The following CNTN5 variants were observed in gnomAD, a reference collection of about 807,000 sequenced individuals.
CNTN5 encodes contactin-5.
CNTN5 carries 77 observed loss-of-function variants against 129.1 expected under a neutral mutation model. The ratio of observed to expected loss-of-function variants is 0.60; its 90% CI spans 0.50 to 0.72. The LOEUF (loss-of-function observed/expected upper bound fraction) is 0.72. Ranked by LOEUF, CNTN5 falls within the 30% of genes least tolerant of loss-of-function variation. CNTN5 has a pLI of 0.00. For synonymous variants in CNTN5, 509 were observed against 465.6 expected (o/e 1.09, Z -1.20); for missense variants, 1,478 against 1,328.8 (o/e 1.11, Z -1.75).
At chr11:99,258,375 T>G (rs966887381) in intron 1 of CNTN5, among the ~76,000 whole-genome samples, 1 of 152,018 alleles carries the variant, frequency 6.6e-6, no homozygotes, top group African/African-American at 2.4e-5. Context: ...TAGCTCCCAC[T>G]TAAAAGTGAG....
At position 100,060,068 on chromosome 11, in the gene CNTN5, G is replaced by T. The variant is rs182807759; in HGVS notation, c.981-1144G>T. Among the ~76,000 whole-genome samples, 31 of 152,154 alleles carry T rather than the reference G, an allele frequency of 2.0e-4. No homozygotes were observed. The East Asian group carries it at 5.4e-3, about 27-fold the overall frequency. On this transcript the variant is annotated intron_variant, in intron 9 of 24. Transcript: ENST00000524871. ...TACTAAAAACGCAAAAATGAGCCGG[G>T]CATGGTGGCAGCACACCTGTAATCC...
chr11:99,493,540 G>A (rs1054215777), intron 2 of CNTN5, among the ~76,000 whole-genome samples: 1 of 152,166 alleles, frequency 6.6e-6, no homozygotes, highest in African/African-American at 2.4e-5. Context: ...AATTCAGTTA[G>A]CAAATATTAA....
intron 1 of CNTN5, among the ~76,000 whole-genome samples, chr11:99,273,758 A>G (rs1014567532): frequency 6.6e-6 from 1 of 151,434 alleles, no homozygotes; most frequent in Non-Finnish European, 1.5e-5. Context: ...TAAAGATCTT[A>G]ATAAAAATTA....
In CNTN5 at chr11:99,369,150, A is replaced by G. The variant is rs958558122; in HGVS notation, c.-71+43666A>G. Among the ~76,000 whole-genome samples the G allele has an allele frequency of 5.3e-5, 5 of 94,126 alleles. No homozygotes were observed. In the South Asian group the frequency reaches 2.1e-3, roughly 40 times the overall value. The allele number at this position is 94,126 out of a possible 152,430, so 61.8% of individuals were successfully genotyped here. A position where few individuals can be genotyped will look rare whatever the true frequency, so the allele number is the denominator to read the frequency against. ...ACGTTCACTGGGTCATAAAACTGAC[A>G]AGAGGCTGGGAGAAGAATTATATAT... On this transcript the variant is annotated intron_variant, in intron 2 of 24. Transcript: ENST00000524871.
At chr11:99,827,057 C>G (rs1946984031) in intron 4 of CNTN5, among the ~76,000 whole-genome samples, 1 of 151,972 alleles carries the variant, frequency 6.6e-6, no homozygotes, top group South Asian at 2.1e-4. Flanking sequence ...CAGCTGTGTT[C>G]ATTGGTTTTT....
chr11:99,471,160 A>C (rs565501469), intron 2 of CNTN5, among the ~76,000 whole-genome samples: 6 of 151,254 alleles, frequency 4.0e-5, no homozygotes, highest in African/African-American at 1.5e-4. Flanking sequence ...AAAAAAAAAA[A>C]CAAATTTTCT....
At chr11:100,245,880 G>A (rs1949830765) in intron 16 of CNTN5, among the ~76,000 whole-genome samples, 1 of 151,908 alleles carries the variant, frequency 6.6e-6, no homozygotes, top group African/African-American at 2.4e-5. Context: ...TTGGAAAAGG[G>A]GTATCAGTAC....
At chr11:100,043,530 C>A (rs4754665) in intron 9 of CNTN5, among the ~76,000 whole-genome samples, 79,752 of 151,968 alleles carry the variant, frequency 0.52, 21,403 homozygotes, top group East Asian at 0.75. Flanking sequence ...AAGGGAAAAC[C>A]TGCACTTTCC....
chr11:99,598,214 C>G (rs551930251), intron 3 of CNTN5, among the ~76,000 whole-genome samples: 4 of 132,536 alleles, frequency 3.0e-5, no homozygotes, highest in South Asian at 5.2e-4. Flanking sequence ...AGGCGGGAAC[C>G]TTTTCTTCCT....
chr11:99,523,860 C>T (rs1397699270), intron 2 of CNTN5, among the ~76,000 whole-genome samples: 1 of 152,044 alleles, frequency 6.6e-6, no homozygotes, highest in Admixed American at 6.6e-5. Flanking sequence ...TTACTGAGCG[C>T]ATGCTGATGT....
At chr11:99,951,312 T>C (rs2136148878) in intron 7 of CNTN5, among the ~76,000 whole-genome samples, 1 of 152,086 alleles carries the variant, frequency 6.6e-6, no homozygotes, top group South Asian at 2.1e-4. Context: ...CGGTAAACTC[T>C]TATGCTAATT....
chr11:100,255,810 A>G lies in CNTN5; in HGVS notation c.2056A>G (p.Thr686Ala), dbSNP rs554422692. Residue 686 changes from threonine (T) to alanine (A), a missense_variant, in exon 17 of 25, where the codon ACG (threonine) becomes GCG (alanine). Transcript: ENST00000524871. Reference sequence around the variant, plus strand: ...AATTGTTGAGGAAATAACCGAAAGTACGGCCACACTGTCCTGGAGCCCAGC... The same window carrying G: ...AATTGTTGAGGAAATAACCGAAAGTGCGGCCACACTGTCCTGGAGCCCAGC... ...IVIVEEITESTATLSWSPAAD... is the reference protein window; with the variant it reads ...IVIVEEITESAATLSWSPAAD... 1.2e-6 allele frequency: 2 copies of G among 1,613,920 alleles called. No individual in the cohort carries two copies. Among genetic ancestry groups the G allele is most frequent in the African/African-American group, 2.7e-5 (2 of 75,048 alleles).
intron 3 of CNTN5, among the ~76,000 whole-genome samples, chr11:99,803,519 T>C (rs1458223953): frequency 6.6e-6 from 1 of 152,218 alleles, no homozygotes. Flanking sequence ...TGTGCCCAGA[T>C]TAAAAATGGC....
intron 18 of CNTN5, among the ~76,000 whole-genome samples, chr11:100,293,604 T>A (rs1487309505): frequency 6.6e-6 from 1 of 151,694 alleles, no homozygotes; most frequent in Non-Finnish European, 1.5e-5. Flanking sequence ...TGAATAATCA[T>A]GAAAATAACC....
chr11:99,340,319 C>T lies in CNTN5; in HGVS notation c.-71+14835C>T, dbSNP rs192141534. The stretch of plus-strand genomic sequence containing the variant: ...TTGGAGTATAAGGAAGCTGAGTTGT[C>T]TGGAGATATAAAATTGAAAGTCTGC... On this transcript the variant is annotated intron_variant, in intron 2 of 24. Transcript: ENST00000524871. 5.9e-5 allele frequency among the ~76,000 whole-genome samples: 9 copies of T among 152,150 alleles called. No individual in the cohort carries two copies. The East Asian group carries it at 1.7e-3, about 29-fold the overall frequency.
intron 4 of CNTN5, 91 bp downstream of exon 4, chr11:99,819,856 A>T: frequency 1.2e-6 from 1 of 814,370 alleles, no homozygotes; most frequent in East Asian, 2.7e-5. Flanking sequence ...AGACTATTCC[A>T]GTAGGAGAGA....
intron 2 of CNTN5, among the ~76,000 whole-genome samples, chr11:99,409,985 G>T (rs1017306532): frequency 6.6e-6 from 1 of 152,264 alleles, no homozygotes; most frequent in South Asian, 2.1e-4. Context: ...TTGCTCTCAG[G>T]TTATTCATTT....
At chr11:99,375,704 T>A (rs1385508290) in intron 2 of CNTN5, among the ~76,000 whole-genome samples, 1 of 152,290 alleles carries the variant, frequency 6.6e-6, no homozygotes, top group East Asian at 1.9e-4. Context: ...GAAACCCTGT[T>A]TTCTCCCTCC....
chr11:100,204,572 C>T (rs1047617218), intron 15 of CNTN5, among the ~76,000 whole-genome samples: 2 of 150,934 alleles, frequency 1.3e-5, no homozygotes, highest in African/African-American at 2.4e-5. Context: ...ACCTCCCAGA[C>T]TCAAGCCATC....
Sources: allele counts gnomAD v4.1 joint callset (sites outside exome capture counted in the v4.1 genomes callset), GRCh38; gene constraint gnomAD v4.1.1; transcripts MANE v1.5; gene names NCBI Gene and HGNC (gene_info 2026-07-23, HGNC 2026-07-21).